The following TMEM163 variants were observed in gnomAD, a reference collection of about 807,000 sequenced individuals.
TMEM163 encodes the protein transmembrane protein 163.
A neutral mutation model predicts 29.3 loss-of-function variants in TMEM163; 17 were observed. The ratio of observed to expected loss-of-function variants is 0.58; its 90% CI spans 0.40 to 0.87. TMEM163 has a LOEUF of 0.87. Among genes scored for constraint, TMEM163 ranks in the 40% least tolerant of loss-of-function variants. TMEM163 has a pLI of 0.00. For missense variants in TMEM163, 303 were observed against 381.5 expected (o/e 0.79, Z 1.71); for synonymous variants, 157 against 160.6 (o/e 0.98, Z 0.17).
intron 2 of TMEM163, among the ~76,000 whole-genome samples, chr2:134,597,147 T>C (rs1293970165): frequency 2.6e-5 from 4 of 151,406 alleles, no homozygotes; most frequent in Admixed American, 6.6e-5. Flanking sequence ...CTTCCAACAC[T>C]ATGTTGAATA....
At chr2:134,528,535 T>C (rs1178206439) in intron 4 of TMEM163, among the ~76,000 whole-genome samples, 3 of 152,218 alleles carry the variant, frequency 2.0e-5, no homozygotes, top group Non-Finnish European at 4.4e-5. Context: ...TGAGGTGAAC[T>C]AAACTCTGGT....
intron 2 of TMEM163, among the ~76,000 whole-genome samples, chr2:134,676,765 G>T (rs1684124232): frequency 6.6e-6 from 1 of 152,070 alleles, no homozygotes; most frequent in African/African-American, 2.4e-5. Context: ...ATAGAATCAA[G>T]ACTTCACATA....
chr2:134,619,490 A>C (rs1371722533), intron 2 of TMEM163, among the ~76,000 whole-genome samples: 1 of 152,240 alleles, frequency 6.6e-6, no homozygotes, highest in Non-Finnish European at 1.5e-5. Context: ...TAATAGAATA[A>C]GAATAAGAGC....
chr2:134,597,478 T>C (rs1024080290), intron 2 of TMEM163, among the ~76,000 whole-genome samples: 1 of 152,222 alleles, frequency 6.6e-6, no homozygotes, highest in Non-Finnish European at 1.5e-5. Context: ...TTGATCATGG[T>C]GGATGAGCTT....
intron 2 of TMEM163, among the ~76,000 whole-genome samples, chr2:134,690,895 C>T (rs757699579): frequency 6.6e-6 from 1 of 152,152 alleles, no homozygotes; most frequent in Non-Finnish European, 1.5e-5. Flanking sequence ...CCCTGGATAA[C>T]GACTTTGAGA....
intron 2 of TMEM163, among the ~76,000 whole-genome samples, chr2:134,666,923 G>A (rs1450875267): frequency 6.6e-6 from 1 of 152,176 alleles, no homozygotes; most frequent in Non-Finnish European, 1.5e-5. Flanking sequence ...CGTCCTGGGA[G>A]GATGTCGTCT....
rs1394693349 is a variant in TMEM163, at chr2:134,456,051, T to G, written c.*665A>C. The G allele has an allele frequency of 6.5e-6, 1 of 152,706 alleles. No individual in the cohort carries two copies. The highest frequency in any genetic ancestry group is 6.5e-5 in the Admixed American group (1 of 15,280). 9.5% of individuals were successfully genotyped at this position (152,706 alleles called of 1,614,324 possible). A position where few individuals can be genotyped will look rare whatever the true frequency, so the allele number is the denominator to read the frequency against. On this transcript the variant is annotated 3_prime_UTR_variant, in exon 8 of 8. Transcript: ENST00000281924. ...CACATCTCTCAAAAATGGACCCAGT[T>G]TTCACATGGATGTTCAGGTTCTGAA...
intron 2 of TMEM163, among the ~76,000 whole-genome samples, chr2:134,598,997 C>A (rs1236020985): frequency 5.1e-5 from 7 of 137,346 alleles, no homozygotes; most frequent in South Asian, 2.3e-4. Flanking sequence ...TGAAAGGACT[C>A]ACTGAAGCCA....
At chr2:134,505,239 C>CCTTTTTTTTTTT (rs373282805) in intron 4 of TMEM163, among the ~76,000 whole-genome samples, 3 of 130,234 alleles carry the variant, frequency 2.3e-5, no homozygotes, top group Non-Finnish European at 3.2e-5. Context: ...TGGGGAATTC[C>CCTTTTTTTTTTT]TTTTTTTTTT....
chr2:134,498,352 G>C (rs1679619793), intron 5 of TMEM163, among the ~76,000 whole-genome samples: 1 of 145,120 alleles, frequency 6.9e-6, no homozygotes, highest in South Asian at 2.3e-4. Context: ...CTTGCATGTG[G>C]GCTTTTTTTT....
chr2:134,603,601 C>G (rs1682283697), intron 2 of TMEM163, among the ~76,000 whole-genome samples: 1 of 152,166 alleles, frequency 6.6e-6, no homozygotes, highest in African/African-American at 2.4e-5. Flanking sequence ...GGCGGCTCCT[C>G]AAGACCCACA....
intron 2 of TMEM163, among the ~76,000 whole-genome samples, chr2:134,703,809 T>A (rs1219056695): frequency 6.6e-6 from 1 of 151,022 alleles, no homozygotes; most frequent in African/African-American, 2.4e-5. Flanking sequence ...GCTGCTGTCA[T>A]TCTTAACGTT....
chr2:134,542,033 C>T (rs1226121607), intron 4 of TMEM163, among the ~76,000 whole-genome samples: 2 of 152,210 alleles, frequency 1.3e-5, no homozygotes, highest in South Asian at 2.1e-4. Flanking sequence ...CACTACATGA[C>T]TATCCCTTGT....
chr2:134,515,298 T>C (rs1175149135), intron 4 of TMEM163, among the ~76,000 whole-genome samples: 2 of 151,970 alleles, frequency 1.3e-5, no homozygotes, highest in East Asian at 1.9e-4. Flanking sequence ...TCACACGGGG[T>C]CTGAAGCATC....
At chr2:134,502,707 T>C (rs1390950132) in intron 5 of TMEM163, among the ~76,000 whole-genome samples, 194 bp downstream of exon 5, 2 of 152,194 alleles carry the variant, frequency 1.3e-5, no homozygotes, top group African/African-American at 4.8e-5. Flanking sequence ...CTCACCTATC[T>C]GGAGTCTCTT....
chr2:134,487,404 G>A (rs527287278), intron 5 of TMEM163, among the ~76,000 whole-genome samples: 16 of 152,106 alleles, frequency 1.1e-4, no homozygotes, highest in Non-Finnish European at 2.1e-4. Flanking sequence ...TTCACCAAAG[G>A]ACATAAAAGA....
chr2:134,501,250 G>A (rs1438477398), intron 5 of TMEM163, among the ~76,000 whole-genome samples: 1 of 152,200 alleles, frequency 6.6e-6, no homozygotes, highest in Non-Finnish European at 1.5e-5. Context: ...CTGAACCCCA[G>A]GTGAGGCTGG....
intron 5 of TMEM163, among the ~76,000 whole-genome samples, chr2:134,473,795 T>C (rs990261135): frequency 2.6e-5 from 4 of 152,034 alleles, no homozygotes; most frequent in Non-Finnish European, 5.9e-5. Flanking sequence ...TTAGAAGAAA[T>C]AGACAAATCA....
rs59227102 is a variant in TMEM163, at chr2:134,535,717, G to GT, written c.458+14852dup. ...TTTTATACATTTACTTATTTGTATG[G>GT]TTTTTTTTTTTGTTTGTTTGTTTTT... On this transcript the variant is annotated intron_variant, in intron 4 of 7. Coordinates refer to ENST00000281924, the MANE Select transcript of TMEM163 (RefSeq NM_030923.5). Among the ~76,000 whole-genome samples, 1,132 of 142,092 alleles carry GT rather than the reference G, an allele frequency of 8.0e-3. 24 individuals carry two copies. The highest frequency in any genetic ancestry group is 0.02 in the African/African-American group (730 of 37,220). 93.2% of individuals were successfully genotyped at this position (142,092 alleles called of 152,430 possible).
Sources: allele counts gnomAD v4.1 joint callset (sites outside exome capture counted in the v4.1 genomes callset), GRCh38; gene constraint gnomAD v4.1.1; transcripts MANE v1.5; gene names NCBI Gene and HGNC (gene_info 2026-07-23, HGNC 2026-07-21).